Variants in MTBP observed in about 807,000 individuals in gnomAD.
MTBP encodes the protein mdm2-binding protein.
In MTBP, 101 loss-of-function variants were observed where a neutral mutation model predicts 117.0. The observed-to-expected ratio is 0.86, with a 90% CI of 0.73 to 1.02. The LOEUF (loss-of-function observed/expected upper bound fraction) is 1.02. Ranked by LOEUF, MTBP falls within the 50% of genes least tolerant of loss-of-function variation. The pLI, the probability that MTBP is intolerant of heterozygous loss-of-function variation, is 0.00. For synonymous variants in MTBP, 350 were observed against 351.5 expected, an observed-to-expected ratio of 1.00 and a Z score of 0.05; for missense variants, 970 against 1,030.9, an observed-to-expected ratio of 0.94 and a Z score of 0.81.
At chr8:120,486,366 A>C (rs1179911179) in intron 11 of MTBP, among the ~76,000 whole-genome samples, 1 of 152,076 alleles carries the variant, frequency 6.6e-6, no homozygotes, top group Non-Finnish European at 1.5e-5. Context: ...CTGAGCCACT[A>C]CTTCGGTAGC....
rs561940872 is a variant in MTBP, at chr8:120,522,728, A to T, written c.2676+9A>T. The T allele has an allele frequency of 6.3e-7, 1 of 1,582,212 alleles. No homozygotes were observed. Reference sequence around the variant, plus strand: ...ACAACAATGCTGTACAGGTAAAGAAATTATTCCCAAGAAACTATATTCAAT... The same window carrying T: ...ACAACAATGCTGTACAGGTAAAGAATTTATTCCCAAGAAACTATATTCAAT... On this transcript the variant is annotated intron_variant, in intron 21 of 21. Coordinates refer to ENST00000305949, the MANE Select transcript of MTBP (RefSeq NM_022045.5).
intron 15 of MTBP, among the ~76,000 whole-genome samples, chr8:120,503,395 T>C (rs1206731280): frequency 6.6e-6 from 1 of 152,192 alleles, no homozygotes. Flanking sequence ...TGTAAATTAT[T>C]CTGTGTGTAA....
intron 11 of MTBP, chr8:120,473,717 G>C (rs1002912072): frequency 1.3e-5 from 2 of 151,796 alleles, no homozygotes; most frequent in Admixed American, 1.3e-4. Flanking sequence ...CATCTCACAG[G>C]GAACAAATAT....
In MTBP at chr8:120,506,849, C is replaced by A; in HGVS notation, c.1871C>A (p.Pro624Gln). The A allele has an allele frequency of 6.2e-7, 1 of 1,605,160 alleles. No homozygotes were observed. Residue 624 changes from proline (P) to glutamine (Q), a missense_variant, in exon 16 of 22, where the codon CCG (proline) becomes CAG (glutamine). By Grantham distance (76) the Pro-to-Gln change is moderately conservative. Coordinates refer to ENST00000305949, the MANE Select transcript of MTBP (RefSeq NM_022045.5). ...CCCATTGGAGATCTTCAACCTTTAC[C>A]GATTCAAAAGGGGTAGGTTATAAAC... ...GLPIGDLQPLPIQKGEKTFVL... is the reference protein window; with the variant it reads ...GLPIGDLQPLQIQKGEKTFVL...
intron 8 of MTBP, among the ~76,000 whole-genome samples, chr8:120,459,621 TC>T (rs1221610422): frequency 6.6e-6 from 1 of 152,184 alleles, no homozygotes; most frequent in Non-Finnish European, 1.5e-5. Context: ...ATGTGACCTT[TC>T]TAAGACTCAG....
At chr8:120,455,014 T>C (rs912133610) in intron 5 of MTBP, among the ~76,000 whole-genome samples, 1 of 151,994 alleles carries the variant, frequency 6.6e-6, no homozygotes, top group Non-Finnish European at 1.5e-5. Context: ...TTTGCACTTA[T>C]TCATTCTCTT....
chr8:120,517,890 G>A lies in MTBP; in HGVS notation c.2286G>A (p.Gln762=). 1 of 1,611,382 alleles carries A rather than the reference G, an allele frequency of 6.2e-7. No individual in the cohort carries two copies. The highest frequency in any genetic ancestry group is 8.5e-7 in the Non-Finnish European group (1 of 1,178,056). ...AAAGTTCAGAGTCTCTTCTTTCTCA[G>A]ACAACTGGTAATAGTAATCACTATC... ...KSESSESLLS[Q]TTGNSNHYHH... is the part of the protein sequence containing the mutation. Residue 762 remains glutamine (Q), a synonymous_variant, in exon 19 of 22, where the codon CAG becomes CAA. Coordinates refer to ENST00000305949, the MANE Select transcript of MTBP (RefSeq NM_022045.5).
At chr8:120,467,654 T>G (rs1169461466) in intron 10 of MTBP, among the ~76,000 whole-genome samples, 4 of 152,144 alleles carry the variant, frequency 2.6e-5, no homozygotes, top group African/African-American at 9.7e-5. Flanking sequence ...GCGTTTATAT[T>G]CTGGAGATAG....
chr8:120,468,061 G>A (rs911656291), intron 10 of MTBP, among the ~76,000 whole-genome samples: 4 of 106,108 alleles, frequency 3.8e-5, no homozygotes, highest in African/African-American at 1.1e-4. Flanking sequence ...TTTGGGTTAT[G>A]AAGTCTTATG....
intron 11 of MTBP, among the ~76,000 whole-genome samples, chr8:120,485,966 C>T (rs113267652): frequency 2.8e-4 from 42 of 152,306 alleles, no homozygotes; most frequent in South Asian, 1.0e-3. Context: ...GCCTCATTTG[C>T]TATCACATGT....
intron 13 of MTBP, 134 bp downstream of exon 13, chr8:120,490,704 G>C (rs1274703734): frequency 1.7e-6 from 1 of 574,546 alleles, no homozygotes; most frequent in African/African-American, 1.9e-5. Flanking sequence ...AACTATTTTT[G>C]AAAGCAATGA....
intron 14 of MTBP, among the ~76,000 whole-genome samples, chr8:120,498,146 C>T (rs561974571): frequency 2.2e-4 from 33 of 152,116 alleles, no homozygotes; most frequent in Non-Finnish European, 4.6e-4. Flanking sequence ...TACTTGCTAA[C>T]CAAATGTCTT....
chr8:120,498,932 G>A (rs928255010), intron 14 of MTBP, among the ~76,000 whole-genome samples: 1 of 152,076 alleles, frequency 6.6e-6, no homozygotes, highest in African/African-American at 2.4e-5. Flanking sequence ...TAAGTTTAAG[G>A]GTATGTATCT....
chr8:120,445,687 T>G, intron 1 of MTBP, 99 bp downstream of exon 1: 1 of 940,426 alleles, frequency 1.1e-6, no homozygotes, highest in Non-Finnish European at 1.6e-6. Context: ...CAATATGTAG[T>G]TGTCCCACGA....
rs980115993 is a variant in MTBP, at chr8:120,516,041, C to T, written c.2096C>T (p.Pro699Leu). The T allele has an allele frequency of 6.2e-7, 1 of 1,612,972 alleles. No homozygotes were observed. Among genetic ancestry groups the T allele is most frequent in the Non-Finnish European group, 8.5e-7 (1 of 1,179,286 alleles). Residue 699 changes from proline to leucine, a missense_variant, in exon 18 of 22, where the codon CCT becomes CTT. Pro to Leu is a moderately conservative substitution (Grantham distance 98). Transcript: ENST00000305949. ...TGCACCAGAGAAAGTTTTCCAGTAC[C>T]TACTGTGTTGAGCCCTCTTCCATCT... The part of the protein sequence containing the change: ...TTCTRESFPV[P>L]TVLSPLPSPV...
chr8:120,459,458 A>G, intron 8 of MTBP, 109 bp downstream of exon 8: 1 of 1,058,182 alleles, frequency 9.5e-7, no homozygotes, highest in Admixed American at 2.9e-5. Flanking sequence ...AAGTGTGCTC[A>G]CTAGCATAAT....
chr8:120,502,601 A>G lies in MTBP; in HGVS notation c.1719A>G (p.Gln573=). ...QNLETFEKTK[Q]KMRTGSLPHS... is the part of the protein sequence containing the mutation. ...TGGAAACTTTTGAAAAAACTAAACAAAAAATGAGGTAATATTTGAATCTGT... is the reference window on the plus strand; with the variant it reads ...TGGAAACTTTTGAAAAAACTAAACAGAAAATGAGGTAATATTTGAATCTGT... The change falls in exon 15 of 22, where the codon CAA becomes CAG. Residue 573 remains glutamine (Q), a synonymous_variant. Transcript: ENST00000305949. 1 of 1,580,824 alleles carries G rather than the reference A, an allele frequency of 6.3e-7. No individual in the cohort carries two copies. Among genetic ancestry groups the G allele is most frequent in the South Asian group, 1.2e-5 (1 of 86,470 alleles).
At position 120,517,898 on chromosome 8, in the gene MTBP, G is replaced by A. The variant is rs976257082; in HGVS notation, c.2294G>A (p.Gly765Asp). 6.2e-7 allele frequency: 1 copy of A among 1,611,102 alleles called. No individual in the cohort carries two copies. The highest frequency in any genetic ancestry group is 1.3e-5 in the African/African-American group (1 of 74,732). Residue 765 changes from glycine to aspartate, a missense_variant, in exon 19 of 22, where the codon GGT (glycine) becomes GAT (aspartate). Physicochemically the swap from Gly to Asp is moderately conservative, Grantham distance 94. Coordinates refer to ENST00000305949, the MANE Select transcript of MTBP (RefSeq NM_022045.5). ...SSESLLSQTTGNSNHYHHHVT... is the reference protein window; with the variant it reads ...SSESLLSQTTDNSNHYHHHVT... ...GAGTCTCTTCTTTCTCAGACAACTG[G>A]TAATAGTAATCACTATCATCATCAT...
At chr8:120,459,925 A>G (rs1239262525) in intron 8 of MTBP, among the ~76,000 whole-genome samples, 6 of 152,178 alleles carry the variant, frequency 3.9e-5, no homozygotes, top group Non-Finnish European at 7.4e-5. Flanking sequence ...GCAAGTAATT[A>G]TAAAATATAA....
Sources: allele counts gnomAD v4.1 joint callset (sites outside exome capture counted in the v4.1 genomes callset), GRCh38; gene constraint gnomAD v4.1.1; transcripts MANE v1.5; gene names NCBI Gene and HGNC (gene_info 2026-07-23, HGNC 2026-07-21).